The following PGAP4 variants were observed in gnomAD, a reference collection of about 807,000 sequenced individuals.
PGAP4 encodes the protein post-GPI attachment to proteins GalNAc transferase 4.
PGAP4 carries 12 observed loss-of-function variants against 28.2 expected under a neutral mutation model. The observed-to-expected ratio is 0.42, with a 90% confidence interval of 0.27 to 0.69. The LOEUF is 0.69. Ranked by LOEUF, PGAP4 falls within the 30% of genes least tolerant of loss-of-function variation. The pLI, the probability that PGAP4 is intolerant of heterozygous loss-of-function variation, is 0.22. For missense variants in PGAP4, 425 were observed against 513.5 expected (o/e 0.83, Z 1.67); for synonymous variants, 205 against 211.8 (o/e 0.97, Z 0.28).
In PGAP4 at chr9:101,477,188, G is replaced by A. The variant is rs1267062574; in HGVS notation, c.-77-19C>T. ...ATCAAACCTAAAGAGAGAGGAAGTAGGGAATGGTAAGAGTAACTTAAAAAA... is the reference window on the plus strand; with the variant it reads ...ATCAAACCTAAAGAGAGAGGAAGTAAGGAATGGTAAGAGTAACTTAAAAAA... On this transcript the variant is annotated intron_variant, in intron 1 of 1. Transcript: ENST00000374848. 1.4e-6 allele frequency: 2 copies of A among 1,442,006 alleles called. No homozygotes were observed. Among genetic ancestry groups the A allele is most frequent in the African/African-American group, 1.4e-5 (1 of 69,122 alleles). The allele number at this position is 1,442,006 out of a possible 1,614,324, so 89.3% of individuals were successfully genotyped here. A position where few individuals can be genotyped will look rare whatever the true frequency, so the allele number is the denominator to read the frequency against.
In PGAP4 at chr9:101,519,028, C is replaced by T. The variant is rs1376470074; in HGVS notation, c.-165+12320G>A. Among the ~76,000 whole-genome samples the T allele has an allele frequency of 3.9e-5, 6 of 152,218 alleles. No individual in the cohort carries two copies. In the East Asian group the frequency reaches 1.2e-3, roughly 29 times the overall value. ...CATTCTTGCAGGAGTGAGGTGGTAT[C>T]ACATTGTGGTTTTGATTTGCATTTC... is the stretch of plus-strand genomic sequence containing the variant. On this transcript the variant is annotated intron_variant, in intron 2 of 3. Coordinates refer to the PGAP4 transcript ENST00000374851.
intron 2 of PGAP4, among the ~76,000 whole-genome samples, chr9:101,492,682 A>G (rs969539947): frequency 1.7e-4 from 26 of 152,030 alleles, no homozygotes; most frequent in African/African-American, 6.3e-4. Flanking sequence ...AGCTGCTACT[A>G]TCTCTGTTGG....
At chr9:101,492,225 G>A (rs1051050071) in intron 2 of PGAP4, among the ~76,000 whole-genome samples, 2 of 150,994 alleles carry the variant, frequency 1.3e-5, no homozygotes, top group African/African-American at 4.9e-5. Context: ...ACGGAGTCTC[G>A]CTCTGTTGCC....
In PGAP4 at chr9:101,523,619, C is replaced by CATTTTTTTTTTTTTTTTTTTTTTT. The variant is rs1245170432; in HGVS notation, c.-165+7728_-165+7729insAAAAAAAAAAAAAAAAAAAAAAAT. On this transcript the variant is annotated intron_variant, in intron 2 of 3. Transcript: ENST00000374851. ...ACATTTCTCCCCTCACTTCTTGTAT[C>CATTTTTTTTTTTTTTTTTTTTTTT]TTTTTTTTTTTTTTTTTTTTTTTTT... Among the ~76,000 whole-genome samples the CATTTTTTTTTTTTTTTTTTTTTTT allele has an allele frequency of 3.0e-4, 18 of 59,348 alleles. 2 individuals carry two copies. Among genetic ancestry groups the CATTTTTTTTTTTTTTTTTTTTTTT allele is most frequent in the Admixed American group, 6.9e-4 (3 of 4,362 alleles). 38.9% of individuals were successfully genotyped at this position (59,348 alleles called of 152,430 possible).
In PGAP4 at chr9:101,520,622, G is replaced by C. The variant is rs554360361; in HGVS notation, c.-165+10726C>G. On this transcript the variant is annotated intron_variant, in intron 2 of 3. Coordinates refer to the PGAP4 transcript ENST00000374851. The stretch of plus-strand genomic sequence containing the variant: ...TCAGTTCTAGGAGCTTTCTGGAGAA[G>C]TCCTTAGGGTTTTCAAGGTAAATGA... Among the ~76,000 whole-genome samples, 99 of 152,246 alleles carry C rather than the reference G, an allele frequency of 6.5e-4. 1 individual carries two copies. The highest frequency in any genetic ancestry group is 5.9e-4 in the Admixed American group (9 of 15,294).
At chr9:101,522,366 T>G (rs979353578) in intron 2 of PGAP4, among the ~76,000 whole-genome samples, 2 of 152,168 alleles carry the variant, frequency 1.3e-5, no homozygotes, top group Non-Finnish European at 2.9e-5. Context: ...TTAGGTCTAT[T>G]AGTAATTGTT....
At chr9:101,528,824 A>T (rs1452372624) in intron 2 of PGAP4, among the ~76,000 whole-genome samples, 5 of 149,882 alleles carry the variant, frequency 3.3e-5, no homozygotes, top group Non-Finnish European at 5.9e-5. Flanking sequence ...GTTCAGAGGC[A>T]CATGTGCAGT....
chr9:101,491,812 GATATATATATATATATATATAT>G (rs58209077), upstream of PGAP4, among the ~76,000 whole-genome samples: 8 of 106,260 alleles, frequency 7.5e-5, no homozygotes, highest in Admixed American at 4.1e-4. Context: ...AATCTTAAAG[GATATATATATATATATATATAT>G]ATATATATAT....
chr9:101,480,925 C>T (rs1018891762), intron 1 of PGAP4, among the ~76,000 whole-genome samples: 1 of 152,112 alleles, frequency 6.6e-6, no homozygotes, highest in Non-Finnish European at 1.5e-5. Flanking sequence ...GCCTGTAATC[C>T]CAGCACTTTA....
chr9:101,487,068 A>C lies in PGAP4; in HGVS notation c.-197T>G, dbSNP rs2118562951. On this transcript the variant is annotated 5_prime_UTR_variant, in exon 1 of 2. Coordinates refer to ENST00000374848, the MANE Select transcript of PGAP4 (RefSeq NM_032342.3). ...TCCGGGGCCCGGAAGGAGCGGGCGC[A>C]GCGCGGTTTGGGTGTGCGCCGGAGC... 6.6e-6 allele frequency: 1 copy of C among 152,454 alleles called. No individual in the cohort carries two copies. The highest frequency in any genetic ancestry group is 2.4e-5 in the African/African-American group (1 of 41,588). 9.4% of individuals were successfully genotyped at this position (152,454 alleles called of 1,614,324 possible).
chr9:101,518,445 C>G (rs955194842), intron 2 of PGAP4, among the ~76,000 whole-genome samples: 1 of 152,248 alleles, frequency 6.6e-6, no homozygotes, highest in Non-Finnish European at 1.5e-5. Context: ...ATTCTTCCCC[C>G]CAAGTCCCCA....
chr9:101,489,058 T>C (rs913705103), upstream of PGAP4: 12 of 152,200 alleles, frequency 7.9e-5, no homozygotes, highest in African/African-American at 2.4e-4. Context: ...GAGTGCTTTT[T>C]ACTAACTCTT....
At chr9:101,518,146 G>C (rs910589776) in intron 2 of PGAP4, among the ~76,000 whole-genome samples, 4 of 152,064 alleles carry the variant, frequency 2.6e-5, no homozygotes, top group African/African-American at 9.7e-5. Flanking sequence ...TTGGTTTTCT[G>C]TTCCTGCGTT....
chr9:101,495,780 T>C (rs1826741886), intron 2 of PGAP4, among the ~76,000 whole-genome samples: 1 of 150,896 alleles, frequency 6.6e-6, no homozygotes, highest in African/African-American at 2.4e-5. Flanking sequence ...GCAGCAATTA[T>C]CTTAATAAAA....
At chr9:101,489,348 A>C (rs1203274933), upstream of PGAP4, 1 of 152,236 alleles carries the variant, frequency 6.6e-6, no homozygotes, top group African/African-American at 2.4e-5. Flanking sequence ...TTTGGCCAGA[A>C]ATAACACACT....
intron 2 of PGAP4, among the ~76,000 whole-genome samples, chr9:101,507,150 C>CA (rs1234538187): frequency 6.6e-6 from 1 of 152,048 alleles, no homozygotes; most frequent in Non-Finnish European, 1.5e-5. Flanking sequence ...CTATTCCTCT[C>CA]AAGTGCTTGA....
intron 2 of PGAP4, among the ~76,000 whole-genome samples, chr9:101,492,343 C>A (rs570558864): frequency 6.6e-6 from 1 of 152,120 alleles, no homozygotes; most frequent in Admixed American, 6.5e-5. Flanking sequence ...AAGGCGCATA[C>A]CACCATGCTC....
At chr9:101,519,666 T>C (rs1169790823) in intron 2 of PGAP4, among the ~76,000 whole-genome samples, 4 of 150,610 alleles carry the variant, frequency 2.7e-5, no homozygotes, top group African/African-American at 7.3e-5. Context: ...CATATATATA[T>C]ACACACATAC....
chr9:101,514,365 G>A (rs1238259709), intron 2 of PGAP4, among the ~76,000 whole-genome samples: 3 of 152,036 alleles, frequency 2.0e-5, no homozygotes, highest in Admixed American at 6.6e-5. Context: ...ATTTTGCTTC[G>A]AAGTTTTATT....
Sources: gnomAD v4.1 joint callset for allele counts (sites outside exome capture counted in the v4.1 genomes callset) on GRCh38, gnomAD v4.1.1 for gene constraint, MANE v1.5 for transcripts, NCBI Gene and HGNC (gene_info 2026-07-23, HGNC 2026-07-21) for gene names.